Variants in NCAM1 observed in about 807,000 individuals in gnomAD.
NCAM1 encodes neural cell adhesion molecule 1.
A neutral mutation model predicts 109.8 loss-of-function variants in NCAM1; 14 were observed. The observed-to-expected ratio is 0.13, with a 90% CI of 0.08 to 0.20. NCAM1 has a LOEUF of 0.20. NCAM1 is among the 10% of genes least tolerant of loss of function. The probability of loss-of-function intolerance (pLI) is 1.00; values close to 1 mark genes in which losing one functional copy is unlikely to be tolerated. For missense variants in NCAM1, 774 were observed against 1,109.9 expected, an observed-to-expected ratio of 0.70 and a Z score of 4.30; for synonymous variants, 418 against 442.9, an observed-to-expected ratio of 0.94 and a Z score of 0.70.
At chr11:112,965,429 G>T (rs192771606) in intron 1 of NCAM1, among the ~76,000 whole-genome samples, 1 of 152,072 alleles carries the variant, frequency 6.6e-6, no homozygotes, top group Non-Finnish European at 1.5e-5. Flanking sequence ...TCCTCAGATA[G>T]GTAATATGTA....
At chr11:113,190,966 T>G (rs1555109767) in intron 1 of NCAM1, among the ~76,000 whole-genome samples, 2 of 152,196 alleles carry the variant, frequency 1.3e-5, no homozygotes, top group Non-Finnish European at 2.9e-5. Flanking sequence ...ATGCACACTC[T>G]GCAGGGAGTG....
intron 8 of NCAM1, among the ~76,000 whole-genome samples, chr11:113,217,542 C>T (rs1944564627): frequency 6.6e-6 from 1 of 152,022 alleles, no homozygotes; most frequent in African/African-American, 2.4e-5. Context: ...ATGCAGACTT[C>T]AGGAGGGCTA....
intron 1 of NCAM1, among the ~76,000 whole-genome samples, chr11:112,976,634 T>C (rs1343110108): frequency 6.6e-6 from 1 of 151,902 alleles, no homozygotes; most frequent in Non-Finnish European, 1.5e-5. Flanking sequence ...ATATCTATTC[T>C]ATAAAACCTG....
In NCAM1 at chr11:113,233,328, C is replaced by G; in HGVS notation, c.1693+11C>G. The G allele has an allele frequency of 6.2e-7, 1 of 1,608,816 alleles. No individual in the cohort carries two copies. The highest frequency in any genetic ancestry group is 8.5e-7 in the Non-Finnish European group (1 of 1,177,448). On this transcript the variant is annotated intron_variant, in intron 13 of 19. Transcript: ENST00000316851. This position sits in a 1 kb window ranked among gnomAD's most constrained non-coding sequence, Gnocchi z 4.5. ...ATGATGCCAAGGAAGGTGAGTTGGG[C>G]GAGTTGGTGTTTCCATTGGGATCAT...
chr11:113,231,744 G>T lies in NCAM1; in HGVS notation c.1189G>T (p.Ala397Ser). 2 of 1,613,872 alleles carry T rather than the reference G, an allele frequency of 1.2e-6. No individual in the cohort carries two copies. The highest frequency in any genetic ancestry group is 1.7e-6 in the Non-Finnish European group (2 of 1,179,878). ...TGATGCCGGAGAGTACATCTGCACC[G>T]CCAGCAACACCATCGGCCAGGACTC... ...YTDAGEYICT[A>S]SNTIGQDSQS... The change falls in exon 10 of 20, where the codon GCC becomes TCC. Residue 397 changes from alanine (A) to serine (S), a missense_variant. Transcript: ENST00000316851.
At chr11:113,230,774 A>T (rs1031763142) in intron 9 of NCAM1, among the ~76,000 whole-genome samples, 1 of 152,196 alleles carries the variant, frequency 6.6e-6, no homozygotes, top group Admixed American at 6.5e-5. Flanking sequence ...GAGGATCTGA[A>T]GTTAAGCCAC....
chr11:113,187,596 C>G (rs1555109113), intron 1 of NCAM1, among the ~76,000 whole-genome samples: 1 of 135,894 alleles, frequency 7.4e-6, no homozygotes. Flanking sequence ...TGTGTTTTGG[C>G]ATTAAGATCT....
intron 1 of NCAM1, among the ~76,000 whole-genome samples, chr11:112,971,643 G>A (rs1555066832): frequency 6.6e-6 from 1 of 152,106 alleles, no homozygotes; most frequent in Non-Finnish European, 1.5e-5. Context: ...GGGACTGAAG[G>A]TGCACATCAT....
chr11:113,100,209 CA>C (rs1250784907), intron 1 of NCAM1, among the ~76,000 whole-genome samples: 1 of 152,148 alleles, frequency 6.6e-6, no homozygotes, highest in African/African-American at 2.4e-5. Flanking sequence ...GAACTTAGGA[CA>C]GGGGTGTGGC....
intron 1 of NCAM1, among the ~76,000 whole-genome samples, chr11:113,076,899 G>C (rs953565499): frequency 1.3e-5 from 2 of 152,146 alleles, no homozygotes; most frequent in Non-Finnish European, 2.9e-5. Flanking sequence ...GCAGAAAAGA[G>C]GAGAAAAAAT....
chr11:113,104,207 T>TGGGGGGGGGGGG (rs1345382907), intron 1 of NCAM1, among the ~76,000 whole-genome samples: 6 of 19,252 alleles, frequency 3.1e-4, no homozygotes, highest in Non-Finnish European at 5.0e-4. Flanking sequence ...GGAGGTGGGG[T>TGGGGGGGGGGGG]GGGGGGGGGG....
chr11:113,123,120 G>C (rs1555096396), intron 1 of NCAM1, among the ~76,000 whole-genome samples: 1 of 152,200 alleles, frequency 6.6e-6, no homozygotes, highest in African/African-American at 2.4e-5. Context: ...CAAACATACA[G>C]TTAGGTAGAA....
At chr11:113,062,770 G>A (rs782345936) in intron 1 of NCAM1, among the ~76,000 whole-genome samples, 7 of 152,082 alleles carry the variant, frequency 4.6e-5, no homozygotes, top group Non-Finnish European at 7.4e-5. Context: ...CTAAGAGTTC[G>A]AGACCAGTCT....
intron 1 of NCAM1, among the ~76,000 whole-genome samples, chr11:113,143,414 C>T (rs1463371693): frequency 2.0e-4 from 31 of 152,024 alleles, no homozygotes; most frequent in African/African-American, 6.8e-4. Context: ...GTAAATGGCG[C>T]CGGATATGTT....
At chr11:113,060,197 T>A (rs1953867208) in intron 1 of NCAM1, among the ~76,000 whole-genome samples, 2 of 152,234 alleles carry the variant, frequency 1.3e-5, no homozygotes, top group Admixed American at 1.3e-4. Context: ...ACAAGATTTT[T>A]AATATGTGAT....
intron 1 of NCAM1, among the ~76,000 whole-genome samples, chr11:113,097,261 G>A (rs1202755570): frequency 6.6e-6 from 1 of 152,158 alleles, no homozygotes; most frequent in Non-Finnish European, 1.5e-5. Flanking sequence ...ATCTAATGTT[G>A]ACTTCTGCTT....
intron 1 of NCAM1, among the ~76,000 whole-genome samples, chr11:113,034,801 A>G (rs2135376942): frequency 6.6e-6 from 1 of 152,354 alleles, no homozygotes; most frequent in Non-Finnish European, 1.5e-5. Context: ...GTGACTAACC[A>G]AACCCCAAAC....
intron 8 of NCAM1, among the ~76,000 whole-genome samples, chr11:113,219,044 A>G (rs1565507487): frequency 6.6e-6 from 1 of 152,230 alleles, no homozygotes; most frequent in Non-Finnish European, 1.5e-5. Flanking sequence ...TCCCTGGCAG[A>G]AAAAATCCAT....
At chr11:113,201,234 C>T (rs1944047909) in intron 1 of NCAM1, among the ~76,000 whole-genome samples, 1 of 152,174 alleles carries the variant, frequency 6.6e-6, no homozygotes, top group Non-Finnish European at 1.5e-5. Context: ...GTAGTCTCTC[C>T]ATCAAATAAG....
Sources: gnomAD v4.1 joint callset for allele counts (sites outside exome capture counted in the v4.1 genomes callset) on GRCh38, gnomAD v4.1.1 for gene constraint, Gnocchi (gnomAD v3.1) non-coding constraint, MANE v1.5 for transcripts, NCBI Gene and HGNC (gene_info 2026-07-23, HGNC 2026-07-21) for gene names.